GLP2R: variants seen among roughly 807,000 people sequenced by gnomAD.
GLP2R encodes glucagon like peptide 2 receptor.
GLP2R carries 59 observed loss-of-function variants against 68.2 expected under a neutral mutation model. The observed-to-expected ratio is 0.87, with a 90% CI of 0.70 to 1.07. The LOEUF (loss-of-function observed/expected upper bound fraction) is 1.07. Among genes scored for constraint, GLP2R ranks in the 50% least tolerant of loss-of-function variants. The probability of loss-of-function intolerance (pLI) is 0.00; values close to 1 mark genes in which losing one functional copy is unlikely to be tolerated. For synonymous variants in GLP2R, 270 were observed against 265.4 expected, an observed-to-expected ratio of 1.02 and a Z score of -0.17; for missense variants, 548 against 677.4, an observed-to-expected ratio of 0.81 and a Z score of 2.12.
chr17:9,843,421 C>T (rs12950847), intron 4 of GLP2R, among the ~76,000 whole-genome samples: 24,535 of 152,134 alleles, frequency 0.16, 2,967 homozygotes, highest in East Asian at 0.5. Flanking sequence ...CTACATGTGA[C>T]GTTGTGAGGA....
chr17:9,889,403 T>A lies in GLP2R; in HGVS notation c.1360T>A (p.Phe454Ile), dbSNP rs778557059. The change falls in exon 13 of 13, where the codon TTC becomes ATC. Residue 454 changes from phenylalanine to isoleucine, a missense_variant. Physicochemically the swap from Phe to Ile is conservative, Grantham distance 21. Transcript: ENST00000262441. ...KAELRKYWVR[F>I]LLARHSGCRA... ...TGAGCTGCGGAAATACTGGGTCCGC[T>A]TCTTGCTAGCCCGCCACTCAGGCTG... 6.2e-7 allele frequency: 1 copy of A among 1,614,052 alleles called. No homozygotes were observed. Among genetic ancestry groups the A allele is most frequent in the Non-Finnish European group, 8.5e-7 (1 of 1,179,910 alleles).
At chr17:9,876,439 G>T (rs968240974) in intron 10 of GLP2R, among the ~76,000 whole-genome samples, 2 of 152,204 alleles carry the variant, frequency 1.3e-5, no homozygotes, top group African/African-American at 2.4e-5. Flanking sequence ...ATGCACAGTG[G>T]ACAGTCATGG....
At position 9,885,474 on chromosome 17, in the gene GLP2R, G is replaced by T. The variant is rs191258129; in HGVS notation, c.1285-2458G>T. Among the ~76,000 whole-genome samples, 451 of 152,122 alleles carry T rather than the reference G, an allele frequency of 3.0e-3. 7 individuals carry two copies. Among genetic ancestry groups the T allele is most frequent in the Non-Finnish European group, 1.5e-3 (104 of 67,994 alleles). ...AACGTCTGAAGGCCCAATTGGAGTGGCACATCCAAGATGGTTCATTCACAT... is the reference window on the plus strand; with the variant it reads ...AACGTCTGAAGGCCCAATTGGAGTGTCACATCCAAGATGGTTCATTCACAT... On this transcript the variant is annotated intron_variant, in intron 11 of 12. Coordinates refer to ENST00000262441, the MANE Select transcript of GLP2R (RefSeq NM_004246.3).
rs2067277552 is a variant in GLP2R, at chr17:9,889,958, C to T, written c.*253C>T. 2 of 571,334 alleles carry T rather than the reference C, an allele frequency of 3.5e-6. No homozygotes were observed. The highest frequency in any genetic ancestry group is 8.1e-5 in the East Asian group (2 of 24,676). 35.4% of individuals were successfully genotyped at this position (571,334 alleles called of 1,614,324 possible). A position where few individuals can be genotyped will look rare whatever the true frequency, so the allele number is the denominator to read the frequency against. On this transcript the variant is annotated 3_prime_UTR_variant, in exon 13 of 13. Transcript: ENST00000262441. ...TGTGTTTTCCACAATGCCCACCAGA[C>T]CCTAGGGCCTGGCTCTAAATTCAAG... is the stretch of plus-strand genomic sequence containing the variant.
At chr17:9,879,773 C>T (rs2067178616) in intron 10 of GLP2R, among the ~76,000 whole-genome samples, 1 of 152,128 alleles carries the variant, frequency 6.6e-6, no homozygotes, top group Non-Finnish European at 1.5e-5. Context: ...TTTTTCATTT[C>T]CTGCAGCCCT....
chr17:9,836,328 T>C (rs2066730767), intron 2 of GLP2R, 43 bp from the exon 3 acceptor site: 5 of 1,310,258 alleles, frequency 3.8e-6, no homozygotes, highest in Admixed American at 3.4e-5. Context: ...GGCATCCCTG[T>C]GCTAAAACAC....
chr17:9,832,388 C>T (rs1209774738), intron 1 of GLP2R, among the ~76,000 whole-genome samples: 1 of 152,114 alleles, frequency 6.6e-6, no homozygotes, highest in Non-Finnish European at 1.5e-5. Flanking sequence ...AGCTGATCAA[C>T]GTGGTGAAAC....
intron 1 of GLP2R, among the ~76,000 whole-genome samples, chr17:9,833,545 A>G (rs574202749): frequency 6.6e-6 from 1 of 152,234 alleles, no homozygotes; most frequent in East Asian, 1.9e-4. Flanking sequence ...AATTTTGCGT[A>G]CTCTTGAAAT....
chr17:9,836,607 C>T (rs2066734015), intron 3 of GLP2R, 132 bp downstream of exon 3: 2 of 593,112 alleles, frequency 3.4e-6, no homozygotes, highest in Admixed American at 3.2e-5. Flanking sequence ...CCTGGATGTT[C>T]CATTTATTTT....
intron 10 of GLP2R, among the ~76,000 whole-genome samples, chr17:9,878,683 C>T (rs2067162571): frequency 6.6e-6 from 1 of 152,128 alleles, no homozygotes; most frequent in African/African-American, 2.4e-5. Context: ...CTCCTGCACC[C>T]CTCTTCTTGG....
intron 10 of GLP2R, among the ~76,000 whole-genome samples, chr17:9,876,714 A>G (rs2067145120): frequency 6.6e-6 from 1 of 152,208 alleles, no homozygotes. Flanking sequence ...TTTCAGCTTA[A>G]AATACTCAGT....
intron 7 of GLP2R, 42 bp from the exon 8 acceptor site, chr17:9,861,097 C>A: frequency 6.5e-7 from 1 of 1,539,042 alleles, no homozygotes; most frequent in Admixed American, 1.7e-5. Context: ...GCAGGTTTGG[C>A]CAACCAACTC....
At position 9,891,745 on chromosome 17, in the gene GLP2R, C is replaced by G. The variant is rs994365055; in HGVS notation, c.*2040C>G. 2 of 152,162 alleles carry G rather than the reference C, an allele frequency of 1.3e-5. No individual in the cohort carries two copies. The highest frequency in any genetic ancestry group is 2.9e-5 in the Non-Finnish European group (2 of 68,026). 9.4% of individuals were successfully genotyped at this position (152,162 alleles called of 1,614,324 possible). On this transcript the variant is annotated 3_prime_UTR_variant, in exon 13 of 13. Coordinates refer to ENST00000262441, the MANE Select transcript of GLP2R (RefSeq NM_004246.3). ...GTGTCCAGATTATCCATAGCTCAGT[C>G]ATGAAAATCTATGTCTTTCTATTTT...
intron 3 of GLP2R, among the ~76,000 whole-genome samples, chr17:9,839,983 C>CTTTT (rs11387395): frequency 4.3e-5 from 6 of 139,394 alleles, no homozygotes; most frequent in African/African-American, 1.6e-4. Context: ...TCTGAAGCCT[C>CTTTT]TTTTTTTTTT....
intron 4 of GLP2R, among the ~76,000 whole-genome samples, chr17:9,848,852 C>T (rs1419134549): frequency 7.2e-6 from 1 of 138,124 alleles, no homozygotes; most frequent in East Asian, 2.3e-4. Flanking sequence ...TGTTAAATGG[C>T]ACTTTTAAAG....
intron 9 of GLP2R, among the ~76,000 whole-genome samples, chr17:9,864,494 G>T (rs1023924037): frequency 2.2e-4 from 20 of 91,232 alleles, no homozygotes; most frequent in African/African-American, 4.9e-4. Context: ...TTTTTTGTTT[G>T]TTTGTTTGTT....
chr17:9,869,432 A>G (rs1291204004), intron 9 of GLP2R, among the ~76,000 whole-genome samples: 1 of 152,186 alleles, frequency 6.6e-6, no homozygotes, highest in Non-Finnish European at 1.5e-5. Flanking sequence ...CTCACTTCTC[A>G]CAAACCCTGT....
rs189799440 is a variant in GLP2R at position 9,886,186 on chromosome 17, T to C, written c.1285-1746T>C. Among the ~76,000 whole-genome samples the C allele has an allele frequency of 5.9e-5, 9 of 152,348 alleles. No individual in the cohort carries two copies. In the East Asian group the frequency reaches 1.5e-3, roughly 26 times the overall value. On this transcript the variant is annotated intron_variant, in intron 11 of 12. Transcript: ENST00000262441. ...AGGCATCAGCCCTAACAGCTTCCTT[T>C]CCTTGCTGCTTTGGAGGGTCCTTTA...
Position 9,880,485 on chromosome 17 carries a change from T to C in GLP2R, c.1253T>C (p.Leu418Pro), listed in dbSNP as rs2067185470. The C allele has an allele frequency of 1.9e-6, 3 of 1,606,118 alleles. No homozygotes were observed. Among genetic ancestry groups the C allele is most frequent in the Non-Finnish European group, 2.6e-6 (3 of 1,175,104 alleles). ...GAAGGATTTGCAAAACTTATACGAC[T>C]TTTCATTCAGTTGACACTGAGCTCC... The part of the protein sequence containing the change: ...QVEGFAKLIR[L>P]FIQLTLSSFH... The change falls in exon 11 of 13, where the codon CTT becomes CCT. Residue 418 changes from leucine (L) to proline (P), a missense_variant. By Grantham distance (98) the Leu-to-Pro change is moderately conservative (BLOSUM62 -3). Transcript: ENST00000262441.
Sources: allele counts gnomAD v4.1 joint callset (sites outside exome capture counted in the v4.1 genomes callset), GRCh38; gene constraint gnomAD v4.1.1; transcripts MANE v1.5; gene names NCBI Gene and HGNC (gene_info 2026-07-23, HGNC 2026-07-21).